The following ABCC8 variants were observed in gnomAD, a reference collection of about 807,000 sequenced individuals.
The protein encoded by ABCC8 is ATP-binding cassette sub-family C member 8.
Under a neutral mutation model 188.0 loss-of-function variants are expected in ABCC8, and 137 were observed. The observed-to-expected ratio is 0.73, with a 90% CI of 0.63 to 0.84. The LOEUF is 0.84. Among genes scored for constraint, ABCC8 ranks in the 40% least tolerant of loss-of-function variants. The pLI is 0.00. For synonymous variants in ABCC8, 797 were observed against 846.5 expected (o/e 0.94, Z 1.01); for missense variants, 1,750 against 2,072.7 (o/e 0.84, Z 3.02).
chr11:17,396,634 G>C lies in ABCC8; in HGVS notation c.4119+282C>G, dbSNP rs201881813. Reference sequence around the variant, plus strand: ...AAGCCCCTGACCATTCGCAGAGAGGGAGGCCCTGACAAAGCCCGTGTGAGC... The same window carrying C: ...AAGCCCCTGACCATTCGCAGAGAGGCAGGCCCTGACAAAGCCCGTGTGAGC... On this transcript the variant is annotated intron_variant, in intron 33 of 38. Coordinates refer to ENST00000389817, the MANE Select transcript of ABCC8 (RefSeq NM_000352.6). 17 of 479,262 alleles carry C rather than the reference G, an allele frequency of 3.5e-5. No individual in the cohort carries two copies. The East Asian group carries it at 6.9e-4, about 19-fold the overall frequency. 29.7% of individuals were successfully genotyped at this position (479,262 alleles called of 1,614,324 possible). A position where few individuals can be genotyped will look rare whatever the true frequency, so the allele number is the denominator to read the frequency against.
At chr11:17,403,785 T>C (rs1328469869) in intron 28 of ABCC8, among the ~76,000 whole-genome samples, 1 of 152,162 alleles carries the variant, frequency 6.6e-6, no homozygotes, top group East Asian at 1.9e-4. Context: ...CAGTCTGATG[T>C]TTTTTTCATT....
At chr11:17,442,912 G>T in intron 9 of ABCC8, 30 bp from the exon 10 acceptor site, 1 of 1,606,206 alleles carries the variant, frequency 6.2e-7, no homozygotes. Context: ...AGAGGGGAGA[G>T]GCTTCTGCTC....
At chr11:17,470,833 G>A (rs1327961596) in intron 2 of ABCC8, among the ~76,000 whole-genome samples, 1 of 152,148 alleles carries the variant, frequency 6.6e-6, no homozygotes, top group African/African-American at 2.4e-5. Context: ...ACTCACAGAG[G>A]CCTCTAAGTG....
At chr11:17,419,584 A>G (rs766872325) in intron 16 of ABCC8, among the ~76,000 whole-genome samples, 2 of 152,262 alleles carry the variant, frequency 1.3e-5, no homozygotes, top group Admixed American at 6.5e-5. Context: ...ATGCTTGTGT[A>G]TCTTTTCTAA....
Position 17,453,131 on chromosome 11 carries a change from T to C in ABCC8, c.1164A>G (p.Arg388=). 1.2e-6 allele frequency: 2 copies of C among 1,613,946 alleles called. No homozygotes were observed. The highest frequency in any genetic ancestry group is 1.7e-6 in the Non-Finnish European group (2 of 1,179,776). Residue 388 remains arginine, a synonymous_variant, in exon 7 of 39, where the codon AGA becomes AGG. Transcript: ENST00000389817. ...YVAIETGINL[R]GAIQTKIYNK... is the part of the protein sequence containing the mutation. ...ATCATCCAAGTACCTGTATTGCTCC[T>C]CTCAAGTTAATTCCAGTTTCAATGG... is the stretch of plus-strand genomic sequence containing the variant.
intron 8 of ABCC8, among the ~76,000 whole-genome samples, chr11:17,444,988 C>T (rs1003798221): frequency 6.6e-6 from 1 of 152,334 alleles, no homozygotes; most frequent in Non-Finnish European, 1.5e-5. Context: ...GGCCTACCCT[C>T]CTCTCAGAAA....
At chr11:17,412,809 C>T (rs545221450) in intron 20 of ABCC8, 63 bp from the exon 21 acceptor site, 1 of 1,560,470 alleles carries the variant, frequency 6.4e-7, no homozygotes, top group Non-Finnish European at 8.7e-7. Flanking sequence ...GTCCTGTACC[C>T]TACTGGACTA....
Position 17,461,785 on chromosome 11 carries a change from G to A in ABCC8, c.620C>T (p.Pro207Leu), listed in dbSNP as rs750165947. The change falls in exon 5 of 39, where the codon CCC (proline) becomes CTC (leucine). Residue 207 changes from proline (P) to leucine (L), a missense_variant. Physicochemically the swap from Pro to Leu is moderately conservative, Grantham distance 98. Coordinates refer to ENST00000389817, the MANE Select transcript of ABCC8 (RefSeq NM_000352.6). ...FFKTPREVKP[P>L]EDLQDLGVRF... The stretch of plus-strand genomic sequence containing the variant: ...TACCCCCAGGTCTTGCAGGTCCTCG[G>A]GAGGCTTCACCTCCCTCGGTGTCTT... The A allele has an allele frequency of 9.3e-6, 15 of 1,614,136 alleles. No homozygotes were observed.
chr11:17,446,454 A>T (rs1017363101), intron 8 of ABCC8, among the ~76,000 whole-genome samples: 1 of 151,732 alleles, frequency 6.6e-6, no homozygotes, highest in African/African-American at 2.4e-5. Flanking sequence ...CAAAAAAAAA[A>T]TTGTGTTAGA....
chr11:17,399,941 G>A (rs1457004666), intron 29 of ABCC8, among the ~76,000 whole-genome samples: 4 of 152,154 alleles, frequency 2.6e-5, no homozygotes, highest in African/African-American at 4.8e-5. Context: ...CACTCTCCTT[G>A]GCCGCTTCCC....
chr11:17,412,994 A>G, intron 20 of ABCC8: 1 of 738,260 alleles, frequency 1.4e-6, no homozygotes, highest in Non-Finnish European at 2.1e-6. Context: ...AGTACAAACA[A>G]AGACAGAGGC....
intron 11 of ABCC8, among the ~76,000 whole-genome samples, chr11:17,431,609 G>C (rs140852239): frequency 2.5e-4 from 38 of 152,350 alleles, no homozygotes; most frequent in Non-Finnish European, 4.7e-4. Context: ...AGGCCTTTCT[G>C]TAGGAGCATG....
At chr11:17,423,138 C>A (rs1295417264) in intron 16 of ABCC8, among the ~76,000 whole-genome samples, 1 of 151,890 alleles carries the variant, frequency 6.6e-6, no homozygotes, top group Admixed American at 6.6e-5. Flanking sequence ...GCGGGCGGAT[C>A]ATGAGGTCAG....
intron 10 of ABCC8, among the ~76,000 whole-genome samples, chr11:17,432,600 G>A (rs547035851): frequency 6.6e-6 from 1 of 152,302 alleles, no homozygotes; most frequent in East Asian, 1.9e-4. Flanking sequence ...GCACAAAGCT[G>A]CCACTTCTTC....
At chr11:17,468,519 T>C (rs1040034463) in intron 3 of ABCC8, among the ~76,000 whole-genome samples, 2 of 152,188 alleles carry the variant, frequency 1.3e-5, no homozygotes, top group African/African-American at 4.8e-5. Flanking sequence ...ATTGCACAGA[T>C]GCTAGACTCC....
intron 6 of ABCC8, among the ~76,000 whole-genome samples, chr11:17,458,451 G>A (rs189459228): frequency 1.3e-5 from 2 of 152,344 alleles, no homozygotes; most frequent in African/African-American, 4.8e-5. Flanking sequence ...AATCCCACAA[G>A]GGTTTTGGGA....
chr11:17,443,002 C>T, intron 9 of ABCC8, 120 bp from the exon 10 acceptor site: 3 of 1,555,114 alleles, frequency 1.9e-6, no homozygotes, highest in Non-Finnish European at 1.8e-6. Flanking sequence ...GGGAGGCAGC[C>T]TCCTCCCCCA....
chr11:17,456,754 G>C (rs905987450), intron 6 of ABCC8, among the ~76,000 whole-genome samples: 2 of 152,206 alleles, frequency 1.3e-5, no homozygotes, highest in African/African-American at 4.8e-5. Flanking sequence ...TCATCTGTAA[G>C]GTGAGGCTAT....
At position 17,428,517 on chromosome 11, in the gene ABCC8, G is replaced by A; in HGVS notation, c.1923+48C>T. On this transcript the variant is annotated intron_variant, in intron 13 of 38. Transcript: ENST00000389817. ...CCGACACAGCAGGCCCAAGTTTTGG[G>A]CCTTAGAGGACCATGCTGGGAGTAG... is the stretch of plus-strand genomic sequence containing the variant. 1.9e-6 allele frequency: 3 copies of A among 1,611,354 alleles called. No individual in the cohort carries two copies. In the African/African-American group the frequency reaches 4.0e-5, roughly 21 times the overall value.
Sources: allele counts gnomAD v4.1 joint callset (sites outside exome capture counted in the v4.1 genomes callset), GRCh38; gene constraint gnomAD v4.1.1; transcripts MANE v1.5; gene names NCBI Gene and HGNC (gene_info 2026-07-23, HGNC 2026-07-21).